Variants in DENND1A observed in about 807,000 individuals in gnomAD.
DENND1A encodes the protein DENN domain-containing protein 1A.
DENND1A carries 51 observed loss-of-function variants against 113.7 expected under a neutral mutation model. The ratio of observed to expected loss-of-function variants is 0.45; its 90% CI spans 0.36 to 0.57. The LOEUF is 0.57. Among genes scored for constraint, DENND1A ranks in the 20% least tolerant of loss-of-function variants. DENND1A has a pLI of 0.00. For missense variants in DENND1A, 1,258 were observed against 1,395.9 expected (o/e 0.90, Z 1.57); for synonymous variants, 565 against 570.8 (o/e 0.99, Z 0.14).
intron 10 of DENND1A, among the ~76,000 whole-genome samples, chr9:123,616,055 G>A (rs1412609168): frequency 6.6e-5 from 10 of 152,050 alleles, no homozygotes; most frequent in African/African-American, 2.2e-4. Context: ...TCAGTCCCTC[G>A]AGTTGCTAGG....
chr9:123,696,420 G>A (rs1311218021), intron 5 of DENND1A, among the ~76,000 whole-genome samples: 1 of 152,210 alleles, frequency 6.6e-6, no homozygotes, highest in East Asian at 1.9e-4. Flanking sequence ...ATTATCGGAA[G>A]AGTTTTGTTA....
intron 19 of DENND1A, chr9:123,414,573 T>C (rs756934370): frequency 6.4e-7 from 1 of 1,550,506 alleles, no homozygotes; most frequent in African/African-American, 1.4e-5. Context: ...TTGCTCCTTT[T>C]GGGGATTCAC....
chr9:123,845,766 A>T (rs1842533973), intron 2 of DENND1A, among the ~76,000 whole-genome samples: 1 of 151,988 alleles, frequency 6.6e-6, no homozygotes, highest in South Asian at 2.1e-4. Context: ...ACAAACAAAC[A>T]AACTTAGAAG....
At chr9:123,850,889 T>C (rs148631311) in intron 2 of DENND1A, among the ~76,000 whole-genome samples, 66 of 152,018 alleles carry the variant, frequency 4.3e-4, no homozygotes, top group East Asian at 1.7e-3. Flanking sequence ...AGGGAAAAAA[T>C]TGAATGATTA....
At chr9:123,538,313 G>C (rs73571618) in intron 13 of DENND1A, among the ~76,000 whole-genome samples, 24,539 of 152,106 alleles carry the variant, frequency 0.16, 2,063 homozygotes, top group Admixed American at 0.2. Context: ...TGAACGACAA[G>C]AGATTTACGT....
chr9:123,919,309 TA>T (rs1043114046), intron 1 of DENND1A, among the ~76,000 whole-genome samples: 3 of 151,420 alleles, frequency 2.0e-5, no homozygotes, highest in Non-Finnish European at 4.4e-5. Flanking sequence ...CTGTCTCTAC[TA>T]AAAACACAAA....
intron 13 of DENND1A, among the ~76,000 whole-genome samples, chr9:123,553,466 C>T (rs1589113328): frequency 1.3e-5 from 2 of 151,170 alleles, no homozygotes; most frequent in East Asian, 3.9e-4. Context: ...CCACAAGGGT[C>T]ACCTGATAGG....
At chr9:123,603,391 T>C (rs2060015154) in intron 11 of DENND1A, among the ~76,000 whole-genome samples, 1 of 152,218 alleles carries the variant, frequency 6.6e-6, no homozygotes, top group Non-Finnish European at 1.5e-5. Flanking sequence ...TAGACAAATG[T>C]GGCCTCTGGA....
chr9:123,603,381 T>C (rs970291914), intron 11 of DENND1A, among the ~76,000 whole-genome samples: 7 of 152,210 alleles, frequency 4.6e-5, no homozygotes, highest in Non-Finnish European at 1.0e-4. Flanking sequence ...GTTGTAGACA[T>C]AGACAAATGT....
chr9:123,418,728 C>T lies in DENND1A; in HGVS notation c.1489-6899G>A, dbSNP rs543124371. On this transcript the variant is annotated intron_variant, in intron 19 of 23. Transcript: ENST00000394215. ...TAAGCAGCCGCTGCACACTCACCAG[C>T]GCAAGGCTCCTCTGCAGGGAACGAG... 3.9e-5 allele frequency among the ~76,000 whole-genome samples: 6 copies of T among 152,332 alleles called. No homozygotes were observed. In the East Asian group the frequency reaches 5.8e-4, roughly 15 times the overall value.
At chr9:123,413,958 C>A (rs2044515018) in intron 19 of DENND1A, 1 of 988,996 alleles carries the variant, frequency 1.0e-6, no homozygotes, top group Non-Finnish European at 1.2e-6. Context: ...CCACTCCCCA[C>A]AATACTGCTT....
chr9:123,644,772 C>A (rs2062223130), intron 9 of DENND1A, among the ~76,000 whole-genome samples: 1 of 152,210 alleles, frequency 6.6e-6, no homozygotes. Flanking sequence ...GGCCACCTCT[C>A]CTATTGACTA....
chr9:123,929,208 TC>T (rs1857589995), intron 1 of DENND1A, among the ~76,000 whole-genome samples: 1 of 152,218 alleles, frequency 6.6e-6, no homozygotes, highest in Admixed American at 6.5e-5. Context: ...CACCGGGAAC[TC>T]CAGGTGAATG....
chr9:123,484,447 T>G (rs2050615718), intron 13 of DENND1A, among the ~76,000 whole-genome samples: 1 of 152,152 alleles, frequency 6.6e-6, no homozygotes, highest in Admixed American at 6.5e-5. Context: ...TATCATGCCT[T>G]TAGCATGGCT....
intron 3 of DENND1A, among the ~76,000 whole-genome samples, chr9:123,788,546 T>C (rs1393976840): frequency 6.6e-6 from 1 of 152,132 alleles, no homozygotes; most frequent in Non-Finnish European, 1.5e-5. Flanking sequence ...ACAGTAAACA[T>C]AATAGAATAA....
At chr9:123,612,529 A>T (rs2060464225) in intron 10 of DENND1A, among the ~76,000 whole-genome samples, 1 of 152,196 alleles carries the variant, frequency 6.6e-6, no homozygotes, top group African/African-American at 2.4e-5. Context: ...TAAAGTGCAT[A>T]CATTGTTTTA....
chr9:123,586,238 T>C (rs1352414336), intron 11 of DENND1A, among the ~76,000 whole-genome samples: 1 of 152,030 alleles, frequency 6.6e-6, no homozygotes, highest in Non-Finnish European at 1.5e-5. Flanking sequence ...GAGAGAAGCC[T>C]CCAGGGCTGA....
chr9:123,847,622 G>A (rs1027144081), intron 2 of DENND1A, among the ~76,000 whole-genome samples: 1 of 152,162 alleles, frequency 6.6e-6, no homozygotes, highest in Non-Finnish European at 1.5e-5. Context: ...AAAACTCTGA[G>A]ATGCAAGAAG....
rs893507997 is a variant in DENND1A, at chr9:123,817,221, C to A, written c.89-24591G>T. On this transcript the variant is annotated intron_variant, in intron 2 of 23. Transcript: ENST00000394215. ...GTACCCAGTCTTTGTCCCTCAAGAT[C>A]AGAGATTATTACCTTCCCTAGAACT... Among the ~76,000 whole-genome samples the A allele has an allele frequency of 2.0e-5, 3 of 152,236 alleles. No individual in the cohort carries two copies. The East Asian group carries it at 5.8e-4, about 29-fold the overall frequency.
Sources: allele counts gnomAD v4.1 joint callset (sites outside exome capture counted in the v4.1 genomes callset), GRCh38; gene constraint gnomAD v4.1.1; transcripts MANE v1.5; gene names NCBI Gene and HGNC (gene_info 2026-07-23, HGNC 2026-07-21).